The following SRFBP1 variants were observed in gnomAD, a reference collection of about 807,000 sequenced individuals.
SRFBP1 encodes serum response factor-binding protein 1.
SRFBP1 carries 47 observed loss-of-function variants against 45.5 expected under a neutral mutation model. The observed-to-expected ratio is 1.03, with a 90% CI of 0.82 to 1.32. The LOEUF (loss-of-function observed/expected upper bound fraction) is 1.32. Among genes scored for constraint, SRFBP1 ranks in the 40% most tolerant of loss-of-function variants. The pLI is 0.00. For synonymous variants in SRFBP1, 203 were observed against 166.3 expected (o/e 1.22, Z -1.70); for missense variants, 621 against 484.6 (o/e 1.28, Z -2.64).
chr5:121,963,521 T>A (rs1478484601), intron 1 of SRFBP1, among the ~76,000 whole-genome samples: 1 of 152,200 alleles, frequency 6.6e-6, no homozygotes, highest in Admixed American at 6.5e-5. Context: ...CATTAAAGAC[T>A]CTTTTCACAC....
intron 2 of SRFBP1, among the ~76,000 whole-genome samples, chr5:122,057,459 CTGTGTG>C (rs3028227): frequency 0.23 from 32,782 of 145,634 alleles, 4,001 homozygotes; most frequent in African/African-American, 0.35. Context: ...GTTCTCAGTT[CTGTGTG>C]TGTGTGTGTG....
Position 121,976,119 on chromosome 5 carries a change from GAAAT to G in SRFBP1, c.198+736_198+739del, listed in dbSNP as rs537248302. Among the ~76,000 whole-genome samples the G allele has an allele frequency of 5.0e-4, 76 of 151,452 alleles. 1 individual carries two copies. The highest frequency in any genetic ancestry group is 1.8e-3 in the African/African-American group (73 of 40,980). ...TTCAAGTTTTGAATTAAGTAAAAGA[GAAAT>G]AAAACTCTCTAACTATTTTAATTGA... On this transcript the variant is annotated intron_variant, in intron 3 of 7. Coordinates refer to ENST00000339397, the MANE Select transcript of SRFBP1 (RefSeq NM_152546.3).
chr5:122,025,637 C>T (rs186168633), intron 7 of SRFBP1, among the ~76,000 whole-genome samples: 73 of 152,276 alleles, frequency 4.8e-4, no homozygotes, highest in African/African-American at 1.6e-3. Flanking sequence ...AACTTTTCAT[C>T]TCTACAGCCA....
Position 121,975,404 on chromosome 5 carries a change from G to T in SRFBP1, c.198+17G>T, listed in dbSNP as rs1376636146. ...GCCATGAAGGTAAGGACTTGTGTGG[G>T]TGTGTATGTGTGTATGTTTCTGAGT... is the stretch of plus-strand genomic sequence containing the variant. On this transcript the variant is annotated intron_variant, in intron 3 of 7. Coordinates refer to ENST00000339397, the MANE Select transcript of SRFBP1 (RefSeq NM_152546.3). 3 of 1,612,096 alleles carry T rather than the reference G, an allele frequency of 1.9e-6. No individual in the cohort carries two copies. The highest frequency in any genetic ancestry group is 3.3e-5 in the Admixed American group (2 of 59,956).
rs561385132 is a variant in SRFBP1 at position 122,002,889 on chromosome 5, T to G, written c.270+8219T>G. On this transcript the variant is annotated intron_variant, in intron 4 of 7. Coordinates refer to ENST00000339397, the MANE Select transcript of SRFBP1 (RefSeq NM_152546.3). ...GAAAAAAAGCACTCTGATGCTACAT[T>G]TATGTAGACTCTCACTCATTTCTCT... Among the ~76,000 whole-genome samples, 3 of 152,324 alleles carry G rather than the reference T, an allele frequency of 2.0e-5. No individual in the cohort carries two copies. In the South Asian group the frequency reaches 6.2e-4, roughly 32 times the overall value.
At position 122,028,053 on chromosome 5, in the gene SRFBP1, A is replaced by T. The variant is rs1753524374; in HGVS notation, c.*927A>T. The T allele has an allele frequency of 6.6e-6, 1 of 152,206 alleles. No individual in the cohort carries two copies. The highest frequency in any genetic ancestry group is 1.5e-5 in the Non-Finnish European group (1 of 68,036). The allele number at this position is 152,206 out of a possible 1,614,324, so 9.4% of individuals were successfully genotyped here. A position where few individuals can be genotyped will look rare whatever the true frequency, so the allele number is the denominator to read the frequency against. On this transcript the variant is annotated 3_prime_UTR_variant, in exon 8 of 8. Transcript: ENST00000339397. Reference sequence around the variant, plus strand: ...TATTTCCACTGATGGCTAAGCAAAGAAGTTGTAAGATGACTCACTGAGGAA... The same window carrying T: ...TATTTCCACTGATGGCTAAGCAAAGTAGTTGTAAGATGACTCACTGAGGAA...
Position 122,019,357 on chromosome 5 carries a change from C to CT in SRFBP1, c.352+20dup. The CT allele has an allele frequency of 6.3e-7, 1 of 1,595,034 alleles. No individual in the cohort carries two copies. Among genetic ancestry groups the CT allele is most frequent in the Non-Finnish European group, 8.6e-7 (1 of 1,166,338 alleles). On this transcript the variant is annotated intron_variant, in intron 5 of 7. Coordinates refer to ENST00000339397, the MANE Select transcript of SRFBP1 (RefSeq NM_152546.3). ...GTGCTAAAAGGTATGAATTAAATGA[C>CT]TTTTAAGCCATGTACTTAATGTATT...
chr5:121,975,457 T>G, intron 3 of SRFBP1, 70 bp downstream of exon 3: 1 of 1,543,020 alleles, frequency 6.5e-7, no homozygotes, highest in Non-Finnish European at 8.9e-7. Context: ...TTTGTTTGTG[T>G]GTGGTATTGC....
Position 121,972,819 on chromosome 5 carries a change from G to A in SRFBP1, c.37-1377G>A, listed in dbSNP as rs570200517. Among the ~76,000 whole-genome samples, 10 of 151,918 alleles carry A rather than the reference G, an allele frequency of 6.6e-5. No individual in the cohort carries two copies. The South Asian group carries it at 2.1e-3, about 31-fold the overall frequency. On this transcript the variant is annotated intron_variant, in intron 1 of 7. Transcript: ENST00000339397. ...GAATATTATGAGTGATGACAAGGTT[G>A]ACAGTGTGGCCATGGAAGTGGATGG...
downstream of SRFBP1, among the ~76,000 whole-genome samples, chr5:122,030,416 G>A (rs1486588443): frequency 2.0e-5 from 3 of 152,174 alleles, no homozygotes; most frequent in Admixed American, 6.5e-5. Flanking sequence ...AGCCACTGGA[G>A]GGAGTTCAGA....
chr5:122,010,567 ATTAC>A (rs1458327650), intron 4 of SRFBP1, among the ~76,000 whole-genome samples: 3 of 152,146 alleles, frequency 2.0e-5, no homozygotes, highest in African/African-American at 7.2e-5. Context: ...CTACAAAGCT[ATTAC>A]TTCCTCCAGT....
intron 2 of SRFBP1, among the ~76,000 whole-genome samples, chr5:122,033,718 C>G (rs1222167138): frequency 6.6e-6 from 1 of 151,888 alleles, no homozygotes; most frequent in East Asian, 1.9e-4. Context: ...CTCAGACTCC[C>G]AGAGCGCTGG....
At chr5:122,029,440 A>T (rs111539731), downstream of SRFBP1, among the ~76,000 whole-genome samples, 1,005 of 152,178 alleles carry the variant, frequency 6.6e-3, 18 homozygotes, top group African/African-American at 0.023. Flanking sequence ...GGTCTTAGTT[A>T]TATTCTTTAT....
chr5:122,056,463 C>T (rs1754079430), intron 2 of SRFBP1, among the ~76,000 whole-genome samples: 1 of 152,166 alleles, frequency 6.6e-6, no homozygotes, highest in Non-Finnish European at 1.5e-5. Context: ...TTGAGAAACG[C>T]ATCTGGCTGC....
chr5:122,075,913 T>C (rs1023570058), downstream of SRFBP1: 1 of 153,578 alleles, frequency 6.5e-6, no homozygotes, highest in African/African-American at 2.4e-5. Context: ...AATCCCCCAA[T>C]AAAAAAAATA....
intron 7 of SRFBP1, among the ~76,000 whole-genome samples, chr5:122,026,337 A>G (rs1580533998): frequency 6.6e-6 from 1 of 152,354 alleles, no homozygotes. Context: ...CTAGAATACA[A>G]GTTGCCACCT....
chr5:122,064,436 T>TGG (rs1450487251), intron 2 of SRFBP1: 1 of 151,468 alleles, frequency 6.6e-6, no homozygotes, highest in Non-Finnish European at 1.5e-5. Flanking sequence ...TATTTTTAGC[T>TGG]TCCTAATTGA....
intron 3 of SRFBP1, among the ~76,000 whole-genome samples, chr5:121,982,184 TA>T (rs2112826200): frequency 6.6e-6 from 1 of 152,120 alleles, no homozygotes; most frequent in African/African-American, 2.4e-5. Flanking sequence ...TTTAATGTTT[TA>T]AAAGGTAGAA....
intron 4 of SRFBP1, among the ~76,000 whole-genome samples, chr5:122,010,404 G>A (rs73795204): frequency 0.014 from 2,130 of 152,170 alleles, 49 homozygotes; most frequent in African/African-American, 0.048. Flanking sequence ...TAGGAACCAA[G>A]GAAGGCTGTA....
Sources: allele counts gnomAD v4.1 joint callset (sites outside exome capture counted in the v4.1 genomes callset), GRCh38; gene constraint gnomAD v4.1.1; transcripts MANE v1.5; gene names NCBI Gene and HGNC (gene_info 2026-07-23, HGNC 2026-07-21).